THEM4: variants seen among roughly 807,000 people sequenced by gnomAD.
THEM4 encodes the protein thioesterase superfamily member 4.
In THEM4, 22 loss-of-function variants were observed where a neutral mutation model predicts 25.0. That is an observed-to-expected ratio of 0.88 (90% CI 0.63 to 1.26). The LOEUF (loss-of-function observed/expected upper bound fraction) is 1.26. Among genes scored for constraint, THEM4 ranks in the 50% most tolerant of loss-of-function variants. The pLI is 0.00. For synonymous variants in THEM4, 113 were observed against 105.6 expected (o/e 1.07, Z -0.43); for missense variants, 286 against 300.3 (o/e 0.95, Z 0.35).
intron 1 of THEM4, among the ~76,000 whole-genome samples, chr1:151,906,641 A>C (rs932632271): frequency 6.6e-6 from 1 of 152,214 alleles, no homozygotes; most frequent in African/African-American, 2.4e-5. Context: ...GTCTAGCTAA[A>C]GGACTGTAAA....
At chr1:151,898,199 C>T (rs2101728580) in intron 1 of THEM4, among the ~76,000 whole-genome samples, 1 of 152,294 alleles carries the variant, frequency 6.6e-6, no homozygotes, top group East Asian at 1.9e-4. Flanking sequence ...GACAAGTTTT[C>T]AAGCCCGTCT....
chr1:151,880,043 C>T (rs1308639877), intron 4 of THEM4, among the ~76,000 whole-genome samples: 1 of 151,748 alleles, frequency 6.6e-6, no homozygotes, highest in Non-Finnish European at 1.5e-5. Context: ...TGGCTATTCA[C>T]AGGAGTTATC....
rs954305418 is a variant in THEM4, at chr1:151,874,624, C to G, written c.*264G>C. On this transcript the variant is annotated 3_prime_UTR_variant, in exon 6 of 6. Coordinates refer to ENST00000368814, the MANE Select transcript of THEM4 (RefSeq NM_053055.5). ...TCCTGAGCTCAGGCAATCCGCCTGC[C>G]TCGGCCTCCTAAAGTGCTGGGATTA... 12 of 503,852 alleles carry G rather than the reference C, an allele frequency of 2.4e-5. No individual in the cohort carries two copies. The highest frequency in any genetic ancestry group is 4.2e-5 in the Non-Finnish European group (12 of 283,004). The allele number at this position is 503,852 out of a possible 1,614,324, so 31.2% of individuals were successfully genotyped here.
chr1:151,876,899 C>T (rs1339023882), intron 5 of THEM4, 102 bp downstream of exon 5: 5 of 1,428,768 alleles, frequency 3.5e-6, no homozygotes, highest in Admixed American at 2.4e-5. Flanking sequence ...CAAAACACCC[C>T]CCTGACCCCC....
chr1:151,875,599 G>GA (rs1558187407), intron 5 of THEM4, among the ~76,000 whole-genome samples: 1 of 151,594 alleles, frequency 6.6e-6, no homozygotes, highest in African/African-American at 2.4e-5. Context: ...AGAACAAATG[G>GA]AAAAAAAGCT....
rs199652573 is a variant in THEM4, at chr1:151,877,075, A to G, written c.608T>C (p.Val203Ala). 1.5e-5 allele frequency: 25 copies of G among 1,613,664 alleles called. No homozygotes were observed. Among genetic ancestry groups the G allele is most frequent in the East Asian group, 2.2e-5 (1 of 44,882 alleles). Residue 203 changes from valine to alanine, a missense_variant, in exon 5 of 6, where the codon GTT becomes GCT. By Grantham distance (64) the Val-to-Ala change is moderately conservative. Coordinates refer to ENST00000368814, the MANE Select transcript of THEM4 (RefSeq NM_053055.5). The part of the protein sequence containing the change: ...VVMINSQLDK[V>A]EGRKFFVSCN... ...GGAAACAAAAAATTTCCTTCCTTCA[A>G]CTTTATCAAGTTGGCTATTTATCAT...
At chr1:151,884,756 T>C (rs964463753) in intron 4 of THEM4, among the ~76,000 whole-genome samples, 3 of 151,718 alleles carry the variant, frequency 2.0e-5, no homozygotes, top group Middle Eastern at 3.2e-3. Context: ...TGGTGCAATC[T>C]CTGCTCACTG....
intron 4 of THEM4, among the ~76,000 whole-genome samples, chr1:151,883,391 A>C (rs1052070826): frequency 6.6e-6 from 1 of 152,098 alleles, no homozygotes; most frequent in African/African-American, 2.4e-5. Context: ...CTGGGATTAC[A>C]GGCGTGAGCC....
chr1:151,884,687 G>GT (rs11371460), intron 4 of THEM4, among the ~76,000 whole-genome samples: 129,857 of 146,504 alleles, frequency 0.89, 57,496 homozygotes, highest in East Asian at 0.94. Flanking sequence ...CCTTTTTTTT[G>GT]TTTTTTTTTT....
chr1:151,889,460 C>T, intron 2 of THEM4, 87 bp from the exon 3 acceptor site: 2 of 1,349,546 alleles, frequency 1.5e-6, no homozygotes, highest in Non-Finnish European at 2.0e-6. Context: ...CTGCTAGAAT[C>T]ACATGTCAAT....
chr1:151,909,079 TATAA>T (rs1199202520), intron 1 of THEM4, among the ~76,000 whole-genome samples: 2 of 152,120 alleles, frequency 1.3e-5, no homozygotes, highest in Non-Finnish European at 2.9e-5. Context: ...GTTGTCAAAA[TATAA>T]ATAGACAGAC....
chr1:151,887,618 TTGTG>T (rs369505174), intron 4 of THEM4, among the ~76,000 whole-genome samples: 1 of 150,870 alleles, frequency 6.6e-6, no homozygotes, highest in African/African-American at 2.4e-5. Context: ...ACTCGGTGTT[TTGTG>T]TGTGTGTGTG....
chr1:151,903,401 C>T (rs370267531), intron 1 of THEM4, among the ~76,000 whole-genome samples: 12 of 152,192 alleles, frequency 7.9e-5, no homozygotes, highest in South Asian at 6.2e-4. Flanking sequence ...TCACTTTCTC[C>T]GTAATATCAG....
At chr1:151,878,891 TACAC>T (rs55900104) in intron 4 of THEM4, among the ~76,000 whole-genome samples, 13 of 138,640 alleles carry the variant, frequency 9.4e-5, no homozygotes, top group Admixed American at 2.2e-4. Context: ...TATATGTCTA[TACAC>T]ACACACACAC....
rs781199216 is a variant in THEM4, at chr1:151,889,372, G to T, written c.288C>A (p.Asp96Glu). The change falls in exon 3 of 6, where the codon GAC becomes GAA. Residue 96 changes from aspartate (D) to glutamate (E), a missense_variant and splice_region_variant. By Grantham distance (45) the Asp-to-Glu change is conservative. Coordinates refer to ENST00000368814, the MANE Select transcript of THEM4 (RefSeq NM_053055.5). ...WIQDFKTHFL[D>E]PKLMKEEQMS... ...TTTGTTCTTCTTTCATAAGCTTTGG[G>T]TCTATAGAAAATGAGGTGGATGGCA... 6.2e-7 allele frequency: 1 copy of T among 1,612,030 alleles called. No homozygotes were observed. Among genetic ancestry groups the T allele is most frequent in the South Asian group, 1.1e-5 (1 of 90,770 alleles).
intron 5 of THEM4, among the ~76,000 whole-genome samples, chr1:151,876,614 AT>A (rs1353098955): frequency 1.3e-5 from 2 of 151,614 alleles, no homozygotes; most frequent in Non-Finnish European, 2.9e-5. Context: ...TGCCCCGCTA[AT>A]TTTTTGTATT....
intron 4 of THEM4, among the ~76,000 whole-genome samples, chr1:151,887,465 A>C (rs1401584851): frequency 1.3e-5 from 2 of 151,748 alleles, no homozygotes; most frequent in Non-Finnish European, 2.9e-5. Context: ...AATTAAAAAT[A>C]AAAAAATCAA....
chr1:151,891,960 TTTTG>T (rs1169943994), intron 2 of THEM4, among the ~76,000 whole-genome samples: 2 of 152,050 alleles, frequency 1.3e-5, no homozygotes, highest in Non-Finnish European at 2.9e-5. Flanking sequence ...GGTTTTTTGT[TTTTG>T]TTTTTTTTTG....
intron 2 of THEM4, among the ~76,000 whole-genome samples, chr1:151,893,920 C>T (rs773824003): frequency 2.0e-4 from 31 of 151,322 alleles, no homozygotes; most frequent in Non-Finnish European, 2.5e-4. Flanking sequence ...AGTGCAGTGG[C>T]GCGATCTCAG....
Sources: allele counts gnomAD v4.1 joint callset (sites outside exome capture counted in the v4.1 genomes callset), GRCh38; gene constraint gnomAD v4.1.1; transcripts MANE v1.5; gene names NCBI Gene and HGNC (gene_info 2026-07-23, HGNC 2026-07-21).